The following MAGI2 variants were observed in gnomAD, a reference collection of about 807,000 sequenced individuals.
The protein encoded by MAGI2 is membrane associated guanylate kinase, WW and PDZ domain containing 2.
A neutral mutation model predicts 133.3 loss-of-function variants in MAGI2; 35 were observed. That is an observed-to-expected ratio of 0.26 (90% CI 0.20 to 0.35). MAGI2 has a LOEUF of 0.35. MAGI2 is among the 10% of genes least tolerant of loss of function. The pLI is 1.00. For synonymous variants in MAGI2, 729 were observed against 710.6 expected (o/e 1.03, Z -0.41); for missense variants, 1,636 against 1,863.4 (o/e 0.88, Z 2.25).
At chr7:78,122,196 C>T (rs1820538184) in intron 20 of MAGI2, among the ~76,000 whole-genome samples, 1 of 152,074 alleles carries the variant, frequency 6.6e-6, no homozygotes, top group Admixed American at 6.5e-5. Context: ...TTAAGTGGGG[C>T]TATGGGTTCA....
chr7:79,148,508 T>A (rs548635465), intron 1 of MAGI2, among the ~76,000 whole-genome samples: 2 of 152,302 alleles, frequency 1.3e-5, no homozygotes, highest in East Asian at 3.9e-4. Context: ...ATGTTCTCTA[T>A]TGTAAACCTC....
At chr7:78,644,384 T>G (rs1169111529) in intron 2 of MAGI2, among the ~76,000 whole-genome samples, 2 of 152,084 alleles carry the variant, frequency 1.3e-5, no homozygotes, top group Non-Finnish European at 2.9e-5. Context: ...CATGAAAAAT[T>G]TATAAAGATA....
intron 1 of MAGI2, among the ~76,000 whole-genome samples, chr7:79,291,364 T>C (rs1836471036): frequency 6.6e-6 from 1 of 152,178 alleles, no homozygotes; most frequent in Non-Finnish European, 1.5e-5. Context: ...TGAATCATGC[T>C]TTCATAAACA....
intron 7 of MAGI2, among the ~76,000 whole-genome samples, chr7:78,362,656 G>A (rs1012258760): frequency 6.6e-6 from 1 of 152,096 alleles, no homozygotes; most frequent in East Asian, 1.9e-4. Flanking sequence ...CATAAGTTAA[G>A]GTCAAATAAG....
At chr7:79,063,987 T>G (rs953211007) in intron 1 of MAGI2, among the ~76,000 whole-genome samples, 6 of 152,096 alleles carry the variant, frequency 3.9e-5, no homozygotes, top group African/African-American at 1.4e-4. Flanking sequence ...TTCGTGAACG[T>G]GTGCTCAAGT....
chr7:78,858,180 T>G (rs556456029), intron 2 of MAGI2, among the ~76,000 whole-genome samples: 1 of 152,308 alleles, frequency 6.6e-6, no homozygotes, highest in South Asian at 2.1e-4. Flanking sequence ...CTATCAATTT[T>G]GTTGATCTTT....
chr7:78,387,722 T>G (rs998220981), intron 6 of MAGI2, among the ~76,000 whole-genome samples: 1 of 151,096 alleles, frequency 6.6e-6, no homozygotes, highest in Non-Finnish European at 1.5e-5. Flanking sequence ...AGCCCAGGAG[T>G]TTGAGACCAG....
intron 6 of MAGI2, among the ~76,000 whole-genome samples, chr7:78,418,146 C>T (rs548500619): frequency 5.5e-4 from 84 of 152,168 alleles, no homozygotes; most frequent in African/African-American, 1.9e-3. Flanking sequence ...AGAGTGAGAG[C>T]TCATCTCTAA....
intron 2 of MAGI2, among the ~76,000 whole-genome samples, chr7:78,739,807 G>A (rs1822217736): frequency 6.6e-6 from 1 of 152,080 alleles, no homozygotes; most frequent in African/African-American, 2.4e-5. Flanking sequence ...ACTTGAACGG[G>A]TTTCCCTCTT....
chr7:79,196,958 A>G (rs534627322), intron 1 of MAGI2, among the ~76,000 whole-genome samples: 103 of 151,516 alleles, frequency 6.8e-4, no homozygotes, highest in African/African-American at 2.5e-3. Flanking sequence ...ATATATATAG[A>G]GAGAGAGAGA....
intron 21 of MAGI2, among the ~76,000 whole-genome samples, chr7:78,057,997 A>ATGTG (rs369803912): frequency 2.5e-5 from 1 of 40,010 alleles, no homozygotes; most frequent in Non-Finnish European, 4.2e-5. Context: ...ATATATATAT[A>ATGTG]TATATATGTA....
At chr7:78,837,254 C>G (rs185903835) in intron 2 of MAGI2, among the ~76,000 whole-genome samples, 1 of 152,238 alleles carries the variant, frequency 6.6e-6, no homozygotes, top group East Asian at 1.9e-4. Context: ...TGTTTTTGTA[C>G]ATTGATTCTA....
At chr7:78,857,902 G>C (rs1793801016) in intron 2 of MAGI2, among the ~76,000 whole-genome samples, 1 of 151,866 alleles carries the variant, frequency 6.6e-6, no homozygotes, top group South Asian at 2.1e-4. Flanking sequence ...TTTGTTGGTA[G>C]GCCATTAATC....
rs535959532 is a variant in MAGI2 at position 79,041,631 on chromosome 7, G to A, written c.302-34425C>T. Among the ~76,000 whole-genome samples, 12 of 151,708 alleles carry A rather than the reference G, an allele frequency of 7.9e-5. No individual in the cohort carries two copies. In the East Asian group the frequency reaches 2.1e-3, roughly 27 times the overall value. On this transcript the variant is annotated intron_variant, in intron 1 of 21. Transcript: ENST00000354212. Reference sequence around the variant, plus strand: ...GAGAAATGCTACTTTTAAATATGAGGGCATGCCTAGATATAGATATTTCAT... The same window carrying A: ...GAGAAATGCTACTTTTAAATATGAGAGCATGCCTAGATATAGATATTTCAT...
intron 14 of MAGI2, among the ~76,000 whole-genome samples, chr7:78,176,669 G>T (rs565593782): frequency 9.4e-4 from 143 of 151,988 alleles, no homozygotes; most frequent in African/African-American, 3.3e-3. Context: ...TTCTGCCCAG[G>T]TTTTATTTTT....
At chr7:78,025,847 G>A (rs762266531) in intron 21 of MAGI2, among the ~76,000 whole-genome samples, 3 of 152,162 alleles carry the variant, frequency 2.0e-5, no homozygotes, top group Non-Finnish European at 4.4e-5. Flanking sequence ...TTCCCAGGGC[G>A]CAAAGTCAAA....
intron 2 of MAGI2, among the ~76,000 whole-genome samples, chr7:78,773,669 A>T (rs1825762967): frequency 6.6e-6 from 1 of 152,220 alleles, no homozygotes; most frequent in Non-Finnish European, 1.5e-5. Flanking sequence ...GGACAGTCAC[A>T]TAGAATAGGT....
intron 9 of MAGI2, among the ~76,000 whole-genome samples, chr7:78,298,689 A>AGAT (rs1264195622): frequency 4.6e-5 from 7 of 151,586 alleles, no homozygotes; most frequent in Admixed American, 2.6e-4. Flanking sequence ...TTTTCAGTAT[A>AGAT]GATGGGGTCT....
chr7:78,280,913 C>T (rs183827561), intron 9 of MAGI2, among the ~76,000 whole-genome samples: 137 of 151,446 alleles, frequency 9.0e-4, no homozygotes, highest in African/African-American at 3.2e-3. Context: ...TGTCTTCCCA[C>T]CAGTTCACTC....
Sources: gnomAD v4.1 joint callset for allele counts (sites outside exome capture counted in the v4.1 genomes callset) on GRCh38, gnomAD v4.1.1 for gene constraint, MANE v1.5 for transcripts, NCBI Gene and HGNC (gene_info 2026-07-23, HGNC 2026-07-21) for gene names.